Variants in AUTS2 observed in about 807,000 individuals in gnomAD.
AUTS2 encodes activator of transcription and developmental regulator AUTS2, also known as autism susceptibility gene 2 protein.
In AUTS2, 17 loss-of-function variants were observed where a neutral mutation model predicts 112.4. The observed-to-expected ratio is 0.15, with a 90% confidence interval of 0.10 to 0.23. AUTS2 has a LOEUF of 0.23. Among genes scored for constraint, AUTS2 ranks in the 10% least tolerant of loss-of-function variants. The pLI, the probability that AUTS2 is intolerant of heterozygous loss-of-function variation, is 1.00. For missense variants in AUTS2, 1,510 were observed against 1,701.6 expected (o/e 0.89, Z 1.98); for synonymous variants, 751 against 702.7 (o/e 1.07, Z -1.09).
At chr7:70,035,331 A>G (rs1231621276) in intron 2 of AUTS2, among the ~76,000 whole-genome samples, 1 of 152,196 alleles carries the variant, frequency 6.6e-6, no homozygotes, top group Non-Finnish European at 1.5e-5. Flanking sequence ...AAGGGGGGAA[A>G]TAATGAGATT....
intron 5 of AUTS2, among the ~76,000 whole-genome samples, chr7:70,666,652 A>AT (rs142500701): frequency 0.013 from 1,945 of 150,330 alleles, 49 homozygotes; most frequent in East Asian, 0.078. Context: ...TTCCCACCAC[A>AT]TTTTTTTTTA....
chr7:70,420,950 A>G (rs991848772), intron 4 of AUTS2, among the ~76,000 whole-genome samples: 1 of 152,240 alleles, frequency 6.6e-6, no homozygotes, highest in Non-Finnish European at 1.5e-5. Context: ...CCACAAAAAA[A>G]TAGTGAACAG....
At chr7:70,110,583 C>T (rs1206041069) in intron 2 of AUTS2, among the ~76,000 whole-genome samples, 1 of 152,054 alleles carries the variant, frequency 6.6e-6, no homozygotes, top group East Asian at 1.9e-4. Context: ...GCTATGAAGT[C>T]CACTGAACCC....
intron 4 of AUTS2, among the ~76,000 whole-genome samples, chr7:70,389,846 T>G (rs1292446569): frequency 2.6e-5 from 4 of 152,084 alleles, no homozygotes; most frequent in African/African-American, 7.2e-5. Flanking sequence ...ACAGGAACTT[T>G]TCAGTGCAAA....
At chr7:69,923,312 T>A (rs976185309) in intron 2 of AUTS2, among the ~76,000 whole-genome samples, 2 of 152,242 alleles carry the variant, frequency 1.3e-5, no homozygotes, top group African/African-American at 4.8e-5. Flanking sequence ...AGTTTATTTC[T>A]ATACTCTCTA....
chr7:70,316,399 ATTTTTTTTTTTT>A (rs398005114), intron 4 of AUTS2, among the ~76,000 whole-genome samples: 1 of 92,744 alleles, frequency 1.1e-5, no homozygotes, highest in Admixed American at 1.2e-4. Context: ...CCAGGTCTCT[ATTTTTTTTTTTT>A]TTTTTTTTTT....
At chr7:70,603,506 C>T (rs1256245874) in intron 5 of AUTS2, among the ~76,000 whole-genome samples, 1 of 147,348 alleles carries the variant, frequency 6.8e-6, no homozygotes, top group East Asian at 1.9e-4. Flanking sequence ...GCTGTGCCCT[C>T]CTGCAGCCTG....
intron 1 of AUTS2, among the ~76,000 whole-genome samples, chr7:69,879,462 C>T (rs1348377903): frequency 6.6e-6 from 1 of 151,998 alleles, no homozygotes. Context: ...AGATTTTGAA[C>T]ATTTGCCTCC....
At chr7:69,913,158 G>A (rs1241349670) in intron 2 of AUTS2, among the ~76,000 whole-genome samples, 1 of 152,092 alleles carries the variant, frequency 6.6e-6, no homozygotes, top group African/African-American at 2.4e-5. Context: ...TCTTTGTTTA[G>A]AATATTCTTT....
At chr7:70,009,092 TAA>T (rs1799674320) in intron 2 of AUTS2, among the ~76,000 whole-genome samples, 1 of 152,160 alleles carries the variant, frequency 6.6e-6, no homozygotes, top group African/African-American at 2.4e-5. Context: ...CTGGAAATTA[TAA>T]GAGTATGGTG....
At chr7:70,733,396 A>G (rs891682538) in intron 6 of AUTS2, among the ~76,000 whole-genome samples, 15 of 152,222 alleles carry the variant, frequency 9.9e-5, no homozygotes, top group Admixed American at 1.3e-4. Flanking sequence ...AATGCTGTAC[A>G]AAATCGAAGA....
chr7:70,296,296 G>A (rs1001117058), intron 4 of AUTS2, among the ~76,000 whole-genome samples: 18 of 152,174 alleles, frequency 1.2e-4, no homozygotes, highest in African/African-American at 3.6e-4. Flanking sequence ...GTTTACTTGA[G>A]CACATAGATA....
intron 5 of AUTS2, among the ~76,000 whole-genome samples, chr7:70,532,676 C>G (rs566193507): frequency 2.4e-4 from 37 of 152,306 alleles, no homozygotes; most frequent in Middle Eastern, 3.4e-3. Context: ...CAGACCAACC[C>G]CATCACCTTG....
chr7:69,984,280 G>A (rs1041649731), intron 2 of AUTS2, among the ~76,000 whole-genome samples: 2 of 151,838 alleles, frequency 1.3e-5, no homozygotes, highest in Non-Finnish European at 2.9e-5. Context: ...GGTGGCAGGC[G>A]CCTGTAGTCC....
At chr7:70,447,460 T>C (rs1469350077) in intron 5 of AUTS2, among the ~76,000 whole-genome samples, 1 of 152,250 alleles carries the variant, frequency 6.6e-6, no homozygotes, top group Non-Finnish European at 1.5e-5. Context: ...GCTATACATA[T>C]GTTGACTTGT....
intron 4 of AUTS2, among the ~76,000 whole-genome samples, chr7:70,412,906 G>A (rs983019608): frequency 2.6e-5 from 4 of 152,152 alleles, no homozygotes; most frequent in Admixed American, 1.3e-4. Flanking sequence ...CGGGAGAATC[G>A]CTTGAACCCG....
At chr7:69,796,389 G>A (rs952459733) in intron 1 of AUTS2, among the ~76,000 whole-genome samples, 3 of 152,158 alleles carry the variant, frequency 2.0e-5, no homozygotes, top group African/African-American at 7.2e-5. Flanking sequence ...TGTGCATGGT[G>A]GTACCCACCT....
intron 5 of AUTS2, among the ~76,000 whole-genome samples, chr7:70,614,053 G>A (rs1804230503): frequency 6.6e-6 from 1 of 152,196 alleles, no homozygotes; most frequent in African/African-American, 2.4e-5. Context: ...GCCAGGGAGG[G>A]AGCCATCTTT....
rs1791232160 is a variant in AUTS2 at position 70,340,842 on chromosome 7, G to A, written c.661-94910G>A. 1.3e-5 allele frequency among the ~76,000 whole-genome samples: 2 copies of A among 152,228 alleles called. 1 individual carries two copies. The highest frequency in any genetic ancestry group is 4.1e-4 in the South Asian group (2 of 4,822). ...GCAGGATTTTGGCGCCTGCCAAGGG[G>A]ACTGCAAATTCTTTTTGGAAAAAGT... On this transcript the variant is annotated intron_variant, in intron 4 of 18. Transcript: ENST00000342771.
Sources: allele counts gnomAD v4.1 joint callset (sites outside exome capture counted in the v4.1 genomes callset), GRCh38; gene constraint gnomAD v4.1.1; transcripts MANE v1.5; gene names NCBI Gene and HGNC (gene_info 2026-07-23, HGNC 2026-07-21).